The following SLC2A5 variants were observed in gnomAD, a reference collection of about 807,000 sequenced individuals.
SLC2A5 encodes the protein solute carrier family 2 member 5, also known as solute carrier family 2, facilitated glucose transporter member 5.
Under a neutral mutation model 50.3 loss-of-function variants are expected in SLC2A5, and 56 were observed. The observed-to-expected ratio is 1.11, with a 90% confidence interval of 0.90 to 1.39. SLC2A5 has a LOEUF of 1.39. Ranked by LOEUF, SLC2A5 falls within the 40% of genes most tolerant of loss-of-function variation. The probability of loss-of-function intolerance (pLI) is 0.00; values close to 1 mark genes in which losing one functional copy is unlikely to be tolerated. For synonymous variants in SLC2A5, 269 were observed against 281.9 expected, an observed-to-expected ratio of 0.95 and a Z score of 0.46; for missense variants, 566 against 650.1, an observed-to-expected ratio of 0.87 and a Z score of 1.41.
upstream of SLC2A5, chr1:9,071,910 G>A: frequency 6.2e-6 from 1 of 160,302 alleles, no homozygotes; most frequent in Non-Finnish European, 1.3e-5. Context: ...CTCGGCCTCT[G>A]CCTCAGCCCG....
chr1:9,069,482 T>C (rs746537194), intron 1 of SLC2A5, 22 bp downstream of exon 1: 1 of 1,613,462 alleles, frequency 6.2e-7, no homozygotes, highest in Non-Finnish European at 8.5e-7. Flanking sequence ...TCTTGGCCCC[T>C]TTCCCTGAGC....
At chr1:9,072,043 C>T (rs1642224407), upstream of SLC2A5, 1 of 154,382 alleles carries the variant, frequency 6.5e-6, no homozygotes, top group Non-Finnish European at 1.4e-5. Flanking sequence ...TCCCCCTCAG[C>T]CTCACCCGGG....
intron 1 of SLC2A5, among the ~76,000 whole-genome samples, chr1:9,064,564 A>G (rs1642032717): frequency 6.6e-6 from 1 of 152,134 alleles, no homozygotes; most frequent in Admixed American, 6.6e-5. Context: ...AAGAAAAGAA[A>G]CTTTTTGGGG....
intron 1 of SLC2A5, 142 bp from the exon 2 acceptor site, chr1:9,058,392 A>T: frequency 1.6e-6 from 1 of 637,156 alleles, no homozygotes; most frequent in Non-Finnish European, 2.8e-6. Context: ...CCTACCCTCA[A>T]CCCACCTTGG....
chr1:9,050,168 T>A (rs941729633), intron 3 of SLC2A5, among the ~76,000 whole-genome samples: 17 of 151,622 alleles, frequency 1.1e-4, no homozygotes, highest in Admixed American at 1.1e-3. Context: ...TTCCAGTTAC[T>A]CAGAAGACTG....
upstream of SLC2A5, chr1:9,069,999 G>T (rs1488178566): frequency 1.3e-5 from 2 of 153,250 alleles, no homozygotes; most frequent in African/African-American, 2.4e-5. Context: ...CTACAGTCAA[G>T]TGTCTCTTGG....
At chr1:9,048,988 A>G (rs755158684) in intron 3 of SLC2A5, 236 of 366,172 alleles carry the variant, frequency 6.4e-4, no homozygotes, top group Non-Finnish European at 1.2e-3. Flanking sequence ...AACAAACTAT[A>G]AATAGAAGAA....
At chr1:9,038,799 G>T in intron 9 of SLC2A5, 29 bp downstream of exon 9, 1 of 1,545,094 alleles carries the variant, frequency 6.5e-7, no homozygotes, top group Non-Finnish European at 8.8e-7. Context: ...GTGCAGCTCC[G>T]GGCTCCTGGG....
chr1:9,050,844 G>A (rs183508796), intron 3 of SLC2A5, among the ~76,000 whole-genome samples: 2 of 152,182 alleles, frequency 1.3e-5, no homozygotes, highest in Non-Finnish European at 2.9e-5. Flanking sequence ...AAAACACAGA[G>A]GTGTTATATG....
upstream of SLC2A5, chr1:9,069,808 G>A (rs3820034): frequency 0.2 from 96,087 of 473,042 alleles, 10,357 homozygotes; most frequent in Admixed American, 0.26. Context: ...AACAGTCTAC[G>A]GTATTTCCCC....
rs58395185 is a variant in SLC2A5 at position 9,059,536 on chromosome 1, C to CTTTT, written c.34-1290_34-1287dup. Among the ~76,000 whole-genome samples the CTTTT allele has an allele frequency of 6.1e-4, 60 of 98,386 alleles. 1 individual carries two copies. Among genetic ancestry groups the CTTTT allele is most frequent in the South Asian group, 1.8e-3 (5 of 2,798 alleles). The allele number at this position is 98,386 out of a possible 152,430, so 64.5% of individuals were successfully genotyped here. A position where few individuals can be genotyped will look rare whatever the true frequency, so the allele number is the denominator to read the frequency against. On this transcript the variant is annotated intron_variant, in intron 1 of 11. Transcript: ENST00000377424. ...CACGGTATCTAAATCTACAGAGAAT[C>CTTTT]TTTTTTTTTTTTTTTTTTCTGAGAC...
chr1:9,055,791 C>G (rs559432925), intron 3 of SLC2A5, among the ~76,000 whole-genome samples: 2 of 151,996 alleles, frequency 1.3e-5, no homozygotes, highest in African/African-American at 4.8e-5. Flanking sequence ...TGGCAGACAC[C>G]TGTAATCCCA....
chr1:9,073,852 C>T (rs1410252789), upstream of SLC2A5, among the ~76,000 whole-genome samples: 4 of 152,112 alleles, frequency 2.6e-5, no homozygotes, highest in Non-Finnish European at 5.9e-5. Context: ...CTTTGGGAGG[C>T]CAAGGCAGGC....
chr1:9,093,056 C>T (rs139982111), upstream of SLC2A5, among the ~76,000 whole-genome samples: 159 of 152,226 alleles, frequency 1.0e-3, no homozygotes, highest in African/African-American at 3.6e-3. Flanking sequence ...CCTCTACAAA[C>T]CCCTCTCGTT....
intron 2 of SLC2A5, among the ~76,000 whole-genome samples, chr1:9,081,468 TAAAAAAA>T (rs34557003): frequency 2.8e-4 from 29 of 102,470 alleles, no homozygotes; most frequent in African/African-American, 7.3e-4. Flanking sequence ...CTCCTTCTCT[TAAAAAAA>T]AAAAAAAAAA....
At position 9,039,623 on chromosome 1, in the gene SLC2A5, C is replaced by A. The variant is rs757787611; in HGVS notation, c.925G>T (p.Val309Leu). The change falls in exon 8 of 12, where the codon GTG (valine) becomes TTG (leucine). Residue 309 changes from valine (V) to leucine (L), a missense_variant. Physicochemically the swap from Val to Leu is conservative, Grantham distance 32. Coordinates refer to ENST00000377424, the MANE Select transcript of SLC2A5 (RefSeq NM_003039.3). ...ACGTACTGCACGTGCTCCTCCGGCA[C>A]GCCGGCGCTCAGGTAGATCTGGTCC... is the stretch of plus-strand genomic sequence containing the variant. The part of the protein sequence containing the change: ...YADQIYLSAG[V>L]PEEHVQYVTA... The A allele has an allele frequency of 1.9e-6, 3 of 1,565,940 alleles. No individual in the cohort carries two copies. Among genetic ancestry groups the A allele is most frequent in the African/African-American group, 2.7e-5 (2 of 73,448 alleles).
rs144338332 is a variant in SLC2A5, at chr1:9,056,161, G to A, written c.293+1287C>T. 1.3e-4 allele frequency among the ~76,000 whole-genome samples: 20 copies of A among 152,258 alleles called. No individual in the cohort carries two copies. In the East Asian group the frequency reaches 2.5e-3, roughly 19 times the overall value. Reference sequence around the variant, plus strand: ...ACACTAATCTCTCAAGAGGATGTTAGATCCCAAAGCTGCAGCGGTGTTTTT... The same window carrying A: ...ACACTAATCTCTCAAGAGGATGTTAAATCCCAAAGCTGCAGCGGTGTTTTT... On this transcript the variant is annotated intron_variant, in intron 3 of 11. Coordinates refer to ENST00000377424, the MANE Select transcript of SLC2A5 (RefSeq NM_003039.3).
intron 10 of SLC2A5, 72 bp from the exon 11 acceptor site, chr1:9,038,096 C>A: frequency 1.3e-6 from 2 of 1,558,260 alleles, no homozygotes; most frequent in African/African-American, 2.7e-5. Context: ...CCATGCAGAC[C>A]CACCAGGTAG....
chr1:9,087,993 G>C (rs147356423), intron 1 of SLC2A5, among the ~76,000 whole-genome samples: 85 of 152,214 alleles, frequency 5.6e-4, no homozygotes, highest in African/African-American at 1.9e-3. Flanking sequence ...GTGCAAATGA[G>C]ATAATGACAG....
Sources: gnomAD v4.1 joint callset for allele counts (sites outside exome capture counted in the v4.1 genomes callset) on GRCh38, gnomAD v4.1.1 for gene constraint, MANE v1.5 for transcripts, NCBI Gene and HGNC (gene_info 2026-07-23, HGNC 2026-07-21) for gene names.